The following LRRC26 variants were observed in gnomAD, a reference collection of about 807,000 sequenced individuals.
The protein encoded by LRRC26 is leucine-rich repeat-containing protein 26.
Under a neutral mutation model 15.3 loss-of-function variants are expected in LRRC26, and 17 were observed. The ratio of observed to expected loss-of-function variants is 1.11; its 90% confidence interval spans 0.76 to 1.66. LRRC26 has a LOEUF of 1.66. LRRC26 is among the 40% of genes most tolerant of loss of function. The pLI is 0.00. For synonymous variants in LRRC26, 301 were observed against 272.1 expected, an observed-to-expected ratio of 1.11 and a Z score of -1.05; for missense variants, 573 against 501.0, an observed-to-expected ratio of 1.14 and a Z score of -1.37.
Position 137,169,968 on chromosome 9 carries a change from A to C in LRRC26, c.-25T>G. On this transcript the variant is annotated 5_prime_UTR_variant, in exon 1 of 2. Coordinates refer to ENST00000371542, the MANE Select transcript of LRRC26 (RefSeq NM_001013653.3). The stretch of plus-strand genomic sequence containing the variant: ...TGGGGGCAGCCCCCCCGCCCCCGGC[A>C]CCCGCGGTGGGAGGCCCGCTGCCTG... The C allele has an allele frequency of 7.2e-7, 1 of 1,393,916 alleles. No individual in the cohort carries two copies. Among genetic ancestry groups the C allele is most frequent in the Non-Finnish European group, 9.2e-7 (1 of 1,085,582 alleles). The allele number at this position is 1,393,916 out of a possible 1,614,324, so 86.3% of individuals were successfully genotyped here. A position where few individuals can be genotyped will look rare whatever the true frequency, so the allele number is the denominator to read the frequency against.
rs1268285533 is a variant in LRRC26 at position 137,169,694 on chromosome 9, G to T, written c.250C>A (p.Arg84Ser). 1 of 1,495,248 alleles carries T rather than the reference G, an allele frequency of 6.7e-7. No individual in the cohort carries two copies. The highest frequency in any genetic ancestry group is 8.9e-7 in the Non-Finnish European group (1 of 1,129,592). The allele number at this position is 1,495,248 out of a possible 1,614,324, so 92.6% of individuals were successfully genotyped here. ...GCGAAGGCACCTGGCGGCAGCGCAC[G>T]GACGCGGTTGTGGTCCAGCAGCAGC... ...RALLLDHNRV[R>S]ALPPGAFAGA... The change falls in exon 1 of 2, where the codon CGT becomes AGT. Residue 84 changes from arginine (R) to serine (S), a missense_variant. Arg to Ser is a moderately radical substitution (Grantham distance 110, BLOSUM62 -1). Coordinates refer to ENST00000371542, the MANE Select transcript of LRRC26 (RefSeq NM_001013653.3).
At position 137,169,868 on chromosome 9, in the gene LRRC26, C is replaced by G; in HGVS notation, c.76G>C (p.Ala26Pro). Residue 26 changes from alanine to proline, a missense_variant, in exon 1 of 2, where the codon GCC (alanine) becomes CCC (proline). Coordinates refer to ENST00000371542, the MANE Select transcript of LRRC26 (RefSeq NM_001013653.3). The stretch of plus-strand genomic sequence containing the variant: ...GGCGAGGCCGTGGCCGACACCTGGG[C>G]CCAGACAGGCCAAGGCGACAGCAGC... ...LLLLSPWPVWAQVSATASPSG... is the reference protein window; with the variant it reads ...LLLLSPWPVWPQVSATASPSG... 6.7e-7 allele frequency: 1 copy of G among 1,482,094 alleles called. No homozygotes were observed. The highest frequency in any genetic ancestry group is 8.9e-7 in the Non-Finnish European group (1 of 1,125,660). The allele number at this position is 1,482,094 out of a possible 1,614,324, so 91.8% of individuals were successfully genotyped here.
rs1210769788 is a variant in LRRC26 at position 137,169,886 on chromosome 9, ACAGCAGCAG to A, written c.49_57del (p.Leu17_Leu19del). ...ACCTGGGCCCAGACAGGCCAAGGCGACAGCAGCAGCAACAGCAGCAGCAGCGGCCGAGGC... is the reference window on the plus strand; with the variant it reads ...ACCTGGGCCCAGACAGGCCAAGGCGACAACAGCAGCAGCAGCGGCCGAGGC... On this transcript the variant is annotated inframe_deletion, in exon 1 of 2. Coordinates refer to ENST00000371542, the MANE Select transcript of LRRC26 (RefSeq NM_001013653.3). The A allele has an allele frequency of 1.3e-6, 2 of 1,481,552 alleles. No individual in the cohort carries two copies. The highest frequency in any genetic ancestry group is 2.9e-5 in the East Asian group (1 of 34,498). The allele number at this position is 1,481,552 out of a possible 1,614,324, so 91.8% of individuals were successfully genotyped here.
Position 137,169,570 on chromosome 9 carries a change from TCCAGCAGCTGCAGCGCG to T in LRRC26, c.357_373del (p.Ala120ProfsTer126). On this transcript the variant is annotated frameshift_variant, in exon 1 of 2. Coordinates refer to ENST00000371542, the MANE Select transcript of LRRC26 (RefSeq NM_001013653.3). LOFTEE classifies it high-confidence loss of function. Reference sequence around the variant, plus strand: ...TGCTTCCAGCTGGTTGGCGCTCAGGTCCAGCAGCTGCAGCGCGCCCAGGCCCCAGAAGGCTCGCACAT... The same window carrying T: ...TGCTTCCAGCTGGTTGGCGCTCAGGTCCCAGGCCCCAGAAGGCTCGCACAT... 2.6e-6 allele frequency: 4 copies of T among 1,523,522 alleles called. No individual in the cohort carries two copies. Among genetic ancestry groups the T allele is most frequent in the Non-Finnish European group, 3.5e-6 (4 of 1,141,764 alleles). The allele number at this position is 1,523,522 out of a possible 1,614,324, so 94.4% of individuals were successfully genotyped here.
Position 137,169,093 on chromosome 9 carries a change from G to A in LRRC26, c.766C>T (p.Pro256Ser). The A allele has an allele frequency of 1.9e-6, 3 of 1,562,770 alleles. No homozygotes were observed. Among genetic ancestry groups the A allele is most frequent in the Non-Finnish European group, 1.7e-6 (2 of 1,161,058 alleles). The change falls in exon 2 of 2, where the codon CCG (proline) becomes TCG (serine). Residue 256 changes from proline (P) to serine (S), a missense_variant. By Grantham distance (74) the Pro-to-Ser change is moderately conservative. Transcript: ENST00000371542. The stretch of plus-strand genomic sequence containing the variant: ...ACGGCCAGGTCCCGCAGGGCGAGCG[G>A]CTGCGCGCAATGGCTAAAGGCGGCG... The part of the protein sequence containing the change: ...SDAAFSHCAQ[P>S]LALRDLAVVY...
chr9:137,169,234 G>A (rs924907851), intron 1 of LRRC26, 37 bp downstream of exon 1: 29 of 1,384,722 alleles, frequency 2.1e-5, no homozygotes, highest in Non-Finnish European at 2.6e-5. Context: ...CTGCCGCACC[G>A]CCCTGCAGAC....
In LRRC26 at chr9:137,169,727, G is replaced by A. The variant is rs973938593; in HGVS notation, c.217C>T (p.Leu73=). ...PAVPPGLSLR[L]RALLLDHNRV... is the part of the protein sequence containing the mutation. ...TTGTGGTCCAGCAGCAGCGCGCGCA[G>A]GCGCAGGCTCAGGCCCGGGGGCACG... Residue 73 remains leucine (L), a synonymous_variant, in exon 1 of 2, where the codon CTG becomes TTG. Coordinates refer to ENST00000371542, the MANE Select transcript of LRRC26 (RefSeq NM_001013653.3). 2 of 1,457,686 alleles carry A rather than the reference G, an allele frequency of 1.4e-6. No individual in the cohort carries two copies. Among genetic ancestry groups the A allele is most frequent in the African/African-American group, 1.5e-5 (1 of 67,598 alleles). The allele number at this position is 1,457,686 out of a possible 1,614,324, so 90.3% of individuals were successfully genotyped here.
Position 137,169,123 on chromosome 9 carries a change from A to C in LRRC26, c.736T>G (p.Ser246Ala), listed in dbSNP as rs758336302. The change falls in exon 2 of 2, where the codon TCC becomes GCC. Residue 246 changes from serine to alanine, a missense_variant. Coordinates refer to ENST00000371542, the MANE Select transcript of LRRC26 (RefSeq NM_001013653.3). ...GCGCAATGGCTAAAGGCGGCGTCGGAAAAGGCAGTCAGGGGGCTGAGCGTC... is the reference window on the plus strand; with the variant it reads ...GCGCAATGGCTAAAGGCGGCGTCGGCAAAGGCAGTCAGGGGGCTGAGCGTC... ...RLTLSPLTAF[S>A]DAAFSHCAQP... is the part of the protein sequence containing the mutation. 8.6e-5 allele frequency: 134 copies of C among 1,557,820 alleles called. No individual in the cohort carries two copies. Among genetic ancestry groups the C allele is most frequent in the Non-Finnish European group, 1.1e-4 (133 of 1,158,614 alleles).
chr9:137,169,620 G>C lies in LRRC26; in HGVS notation c.324C>G (p.His108Gln), dbSNP rs748740733. Reference protein sequence around the residue: ...QRLDLRENGLHSVHVRAFWGL... With the variant: ...QRLDLRENGLQSVHVRAFWGL... ...CCCAGAAGGCTCGCACATGCACCGAGTGCAGCCCGTTCTCGCGCAGGTCCA... is the reference window on the plus strand; with the variant it reads ...CCCAGAAGGCTCGCACATGCACCGACTGCAGCCCGTTCTCGCGCAGGTCCA... The change falls in exon 1 of 2, where the codon CAC becomes CAG. Residue 108 changes from histidine to glutamine, a missense_variant. His to Gln is a conservative substitution (Grantham distance 24). Transcript: ENST00000371542. The C allele has an allele frequency of 2.0e-6, 3 of 1,516,256 alleles. No individual in the cohort carries two copies. The highest frequency in any genetic ancestry group is 2.6e-6 in the Non-Finnish European group (3 of 1,138,602). 93.9% of individuals were successfully genotyped at this position (1,516,256 alleles called of 1,614,324 possible).
Position 137,169,127 on chromosome 9 carries a change from G to C in LRRC26, c.732C>G (p.Ala244=). The change falls in exon 2 of 2, where the codon GCC becomes GCG. Residue 244 remains alanine, a synonymous_variant. Coordinates refer to ENST00000371542, the MANE Select transcript of LRRC26 (RefSeq NM_001013653.3). ...AATGGCTAAAGGCGGCGTCGGAAAA[G>C]GCAGTCAGGGGGCTGAGCGTCAGGC... ...PGRLTLSPLT[A]FSDAAFSHCA... 1 of 1,559,376 alleles carries C rather than the reference G, an allele frequency of 6.4e-7. No individual in the cohort carries two copies. The highest frequency in any genetic ancestry group is 8.6e-7 in the Non-Finnish European group (1 of 1,159,588).
In LRRC26 at chr9:137,169,425, G is replaced by T; in HGVS notation, c.519C>A (p.Ser173Arg). ...GTGCCGCCAGCTCGTTGTCCTGCAG[G>T]CTGAGTGAGCGCAGCAGCGGGAGCG... ...LGALPLLRSLSLQDNELAALA... is the reference protein window; with the variant it reads ...LGALPLLRSLRLQDNELAALA... The change falls in exon 1 of 2, where the codon AGC (serine) becomes AGA (arginine). Residue 173 changes from serine (S) to arginine (R), a missense_variant. Coordinates refer to ENST00000371542, the MANE Select transcript of LRRC26 (RefSeq NM_001013653.3). 6.6e-7 allele frequency: 1 copy of T among 1,517,552 alleles called. No homozygotes were observed. The allele number at this position is 1,517,552 out of a possible 1,614,324, so 94.0% of individuals were successfully genotyped here.
In LRRC26 at chr9:137,169,780, G is replaced by T. The variant is rs1299295000; in HGVS notation, c.164C>A (p.Ala55Asp). ...EVCTCVPGGL[A>D]SCSALSLPAV... Reference sequence around the variant, plus strand: ...GGGCAGCGAGAGTGCCGAGCAGCTGGCCAGGCCTCCCGGCACGCACGTGCA... The same window carrying T: ...GGGCAGCGAGAGTGCCGAGCAGCTGTCCAGGCCTCCCGGCACGCACGTGCA... Residue 55 changes from alanine to aspartate, a missense_variant, in exon 1 of 2, where the codon GCC (alanine) becomes GAC (aspartate). Ala to Asp is a moderately radical substitution (Grantham distance 126). Coordinates refer to ENST00000371542, the MANE Select transcript of LRRC26 (RefSeq NM_001013653.3). The T allele has an allele frequency of 7.2e-7, 1 of 1,390,310 alleles. No homozygotes were observed. The highest frequency in any genetic ancestry group is 3.8e-5 in the Admixed American group (1 of 26,510). The allele number at this position is 1,390,310 out of a possible 1,614,324, so 86.1% of individuals were successfully genotyped here.
rs748972399 is a variant in LRRC26, at chr9:137,168,947, C to T, written c.912G>A (p.Pro304=). 65 of 1,386,184 alleles carry T rather than the reference C, an allele frequency of 4.7e-5. No individual in the cohort carries two copies. The highest frequency in any genetic ancestry group is 5.7e-5 in the Non-Finnish European group (61 of 1,077,738). 85.9% of individuals were successfully genotyped at this position (1,386,184 alleles called of 1,614,324 possible). A position where few individuals can be genotyped will look rare whatever the true frequency, so the allele number is the denominator to read the frequency against. ...RRRLRTAALR[P]PRPPDPNPDP... is the part of the protein sequence containing the mutation. ...CGGGGTTCGGGTCTGGCGGTCTCGG[C>T]GGGCGGAGGGCGGCGGTGCGGAGGC... The change falls in exon 2 of 2, where the codon CCG becomes CCA. Residue 304 remains proline (P), a synonymous_variant. Transcript: ENST00000371542.
chr9:137,168,998 G>C lies in LRRC26; in HGVS notation c.861C>G (p.Leu287=). The change falls in exon 2 of 2, where the codon CTC becomes CTG. Residue 287 remains leucine, a synonymous_variant. Transcript: ENST00000371542. ...LASCLALGSG[L]TACRARRRRL... ...GGCGGCGGCGCGCACGGCAGGCGGTGAGCCCAGAGCCCAGCGCCAGGCAGG... is the reference window on the plus strand; with the variant it reads ...GGCGGCGGCGCGCACGGCAGGCGGTCAGCCCAGAGCCCAGCGCCAGGCAGG... 2 of 1,467,060 alleles carry C rather than the reference G, an allele frequency of 1.4e-6. No homozygotes were observed. The highest frequency in any genetic ancestry group is 1.8e-6 in the Non-Finnish European group (2 of 1,114,588). The allele number at this position is 1,467,060 out of a possible 1,614,324, so 90.9% of individuals were successfully genotyped here.
Position 137,168,789 on chromosome 9 carries a change from A to G in LRRC26, c.*65T>C, listed in dbSNP as rs1834010941. The G allele has an allele frequency of 8.8e-7, 1 of 1,136,308 alleles. No homozygotes were observed. The highest frequency in any genetic ancestry group is 4.4e-5 in the Admixed American group (1 of 22,744). 70.4% of individuals were successfully genotyped at this position (1,136,308 alleles called of 1,614,324 possible). A position where few individuals can be genotyped will look rare whatever the true frequency, so the allele number is the denominator to read the frequency against. On this transcript the variant is annotated 3_prime_UTR_variant, in exon 2 of 2. Coordinates refer to ENST00000371542, the MANE Select transcript of LRRC26 (RefSeq NM_001013653.3). ...GTCTGTGTCGCTTGTTGACGCCGGC[A>G]GACAGTGTAAAGGGAGGGCAAAGGC... is the stretch of plus-strand genomic sequence containing the variant.
chr9:137,169,338 A>C lies in LRRC26; in HGVS notation c.606T>G (p.Pro202=). ...ALDALHLRGN[P]WGCGCALRPL... The stretch of plus-strand genomic sequence containing the variant: ...GGCGCAGCGCGCACCCGCAGCCCCA[A>C]GGGTTGCCGCGCAGGTGCAGCGCGT... Residue 202 remains proline, a synonymous_variant, in exon 1 of 2, where the codon CCT becomes CCG. Transcript: ENST00000371542. The C allele has an allele frequency of 2.1e-6, 3 of 1,457,654 alleles. No individual in the cohort carries two copies. The highest frequency in any genetic ancestry group is 1.8e-6 in the Non-Finnish European group (2 of 1,114,376). 90.3% of individuals were successfully genotyped at this position (1,457,654 alleles called of 1,614,324 possible).
chr9:137,169,582 AGC>A lies in LRRC26; in HGVS notation c.360_361del (p.Leu121AlafsTer130), dbSNP rs777120569. On this transcript the variant is annotated frameshift_variant, in exon 1 of 2. Coordinates refer to ENST00000371542, the MANE Select transcript of LRRC26 (RefSeq NM_001013653.3). LOFTEE classifies it high-confidence loss of function. ...GTTGGCGCTCAGGTCCAGCAGCTGC[AGC>A]GCGCCCAGGCCCCAGAAGGCTCGCA... is the stretch of plus-strand genomic sequence containing the variant. 3.9e-6 allele frequency: 6 copies of A among 1,522,852 alleles called. No individual in the cohort carries two copies. The allele number at this position is 1,522,852 out of a possible 1,614,324, so 94.3% of individuals were successfully genotyped here.
rs1053179470 is a variant in LRRC26, at chr9:137,170,013, G to A, written c.-70C>T. 14 of 1,357,898 alleles carry A rather than the reference G, an allele frequency of 1.0e-5. No homozygotes were observed. Among genetic ancestry groups the A allele is most frequent in the Non-Finnish European group, 1.3e-5 (14 of 1,062,790 alleles). The allele number at this position is 1,357,898 out of a possible 1,614,324, so 84.1% of individuals were successfully genotyped here. On this transcript the variant is annotated 5_prime_UTR_variant, in exon 1 of 2. The change creates a new upstream start codon in the 5' untranslated region. Transcript: ENST00000371542. ...TGCCTGTGCGTCCCTGGAGCCCGTC[G>A]TCCGCGGAGCCCGTTCCTGCGGCGC...
At position 137,169,188 on chromosome 9, in the gene LRRC26, G is replaced by C. The variant is rs1297324147; in HGVS notation, c.674-3C>G. ...CACGCAGAGCACCGTCTCGGCCTCT[G>C]TGGGACACAGACAAAGGCGCGGCGT... On this transcript the variant is annotated splice_polypyrimidine_tract_variant and splice_region_variant and intron_variant, in intron 1 of 1. Transcript: ENST00000371542. 58 of 1,462,800 alleles carry C rather than the reference G, an allele frequency of 4.0e-5. No homozygotes were observed. Among genetic ancestry groups the C allele is most frequent in the Non-Finnish European group, 5.2e-5 (58 of 1,112,244 alleles). The allele number at this position is 1,462,800 out of a possible 1,614,324, so 90.6% of individuals were successfully genotyped here.
Sources: allele counts gnomAD v4.1 joint callset, GRCh38; gene constraint gnomAD v4.1.1; transcripts MANE v1.5; gene names NCBI Gene and HGNC (gene_info 2026-07-23, HGNC 2026-07-21).